Variants in CTNNA2 observed in about 807,000 individuals in gnomAD.
The protein encoded by CTNNA2 is catenin alpha 2.
A neutral mutation model predicts 101.0 loss-of-function variants in CTNNA2; 42 were observed. The ratio of observed to expected loss-of-function variants is 0.42; its 90% CI spans 0.32 to 0.54. CTNNA2 has a LOEUF of 0.54. Ranked by LOEUF, CTNNA2 falls within the 20% of genes least tolerant of loss-of-function variation. CTNNA2 has a pLI of 0.14. For synonymous variants in CTNNA2, 450 were observed against 456.4 expected, an observed-to-expected ratio of 0.99 and a Z score of 0.18; for missense variants, 871 against 1,223.1, an observed-to-expected ratio of 0.71 and a Z score of 4.29.
At chr2:80,283,208 A>G (rs1322938979) in intron 7 of CTNNA2, among the ~76,000 whole-genome samples, 2 of 152,144 alleles carry the variant, frequency 1.3e-5, no homozygotes, top group Non-Finnish European at 2.9e-5. Context: ...AAAAGACATT[A>G]TCAACCAATG....
At chr2:80,445,758 T>C (rs181137717) in intron 9 of CTNNA2, among the ~76,000 whole-genome samples, 1 of 152,340 alleles carries the variant, frequency 6.6e-6, no homozygotes, top group African/African-American at 2.4e-5. Context: ...TGACCTTACA[T>C]GCATAGTAGA....
chr2:79,417,664 G>C (rs1331275337), intron 4 of CTNNA2, among the ~76,000 whole-genome samples: 1 of 152,106 alleles, frequency 6.6e-6, no homozygotes, highest in Non-Finnish European at 1.5e-5. Flanking sequence ...AGCCCATCCA[G>C]ATAGGCCTCT....
intron 7 of CTNNA2, among the ~76,000 whole-genome samples, chr2:79,939,017 G>T (rs1371627007): frequency 1.3e-5 from 2 of 152,088 alleles, no homozygotes; most frequent in East Asian, 1.9e-4. Flanking sequence ...GTGTGCACTG[G>T]GTTCCAACAT....
chr2:80,071,786 G>A (rs894129743), intron 7 of CTNNA2, among the ~76,000 whole-genome samples: 1 of 152,168 alleles, frequency 6.6e-6, no homozygotes, highest in African/African-American at 2.4e-5. Context: ...AGGGGTTGGA[G>A]AATGGTTGTT....
intron 9 of CTNNA2, among the ~76,000 whole-genome samples, chr2:80,471,371 G>T (rs1685291052): frequency 6.6e-6 from 1 of 152,180 alleles, no homozygotes; most frequent in Non-Finnish European, 1.5e-5. Context: ...GTGAAGAAAA[G>T]CTGTACTCAT....
In CTNNA2 at chr2:80,174,075, A is replaced by T. The variant is rs144752988; in HGVS notation, c.1057-219136A>T. ...GAGGTAATAGATTGATGAGTGGCAC[A>T]TGCACTGTGCCAATATAAAGTCGTT... is the stretch of plus-strand genomic sequence containing the variant. On this transcript the variant is annotated intron_variant, in intron 7 of 18. Transcript: ENST00000402739. Among the ~76,000 whole-genome samples, 315 of 152,290 alleles carry T rather than the reference A, an allele frequency of 2.1e-3. 4 individuals are homozygous for T. Among genetic ancestry groups the T allele is most frequent in the Middle Eastern group, 0.014 (4 of 294 alleles).
intron 2 of CTNNA2, among the ~76,000 whole-genome samples, chr2:79,268,314 C>T (rs1009922306): frequency 3.9e-5 from 6 of 152,050 alleles, no homozygotes; most frequent in Admixed American, 3.3e-4. Context: ...GGCTAAGAGG[C>T]CTCGGTGTTC....
chr2:80,449,688 T>C (rs886646612), intron 9 of CTNNA2, among the ~76,000 whole-genome samples: 13 of 152,122 alleles, frequency 8.5e-5, no homozygotes, highest in Non-Finnish European at 1.9e-4. Flanking sequence ...CAGTGATCAA[T>C]AAGGATGTGA....
intron 7 of CTNNA2, among the ~76,000 whole-genome samples, chr2:80,360,414 G>GT (rs1318129631): frequency 6.6e-6 from 1 of 151,962 alleles, no homozygotes; most frequent in Admixed American, 6.6e-5. Flanking sequence ...GTACTTAAGG[G>GT]TTTTTTACAC....
chr2:80,343,424 A>C (rs541392617), intron 7 of CTNNA2, among the ~76,000 whole-genome samples: 19 of 148,696 alleles, frequency 1.3e-4, no homozygotes, highest in South Asian at 6.4e-4. Flanking sequence ...AAAAAAAAAA[A>C]CACATAAAAA....
chr2:79,456,681 A>AT (rs1450027833), intron 4 of CTNNA2, among the ~76,000 whole-genome samples: 10 of 152,160 alleles, frequency 6.6e-5, no homozygotes, highest in Admixed American at 1.3e-4. Context: ...TTTAGAAAAG[A>AT]TTTTTTTCCT....
chr2:79,465,954 A>T (rs1670929841), intron 4 of CTNNA2, among the ~76,000 whole-genome samples: 1 of 152,180 alleles, frequency 6.6e-6, no homozygotes, highest in South Asian at 2.1e-4. Flanking sequence ...AGCTCCCAGC[A>T]TGAGTGACGT....
chr2:80,380,197 C>T lies in CTNNA2; in HGVS notation c.1057-13014C>T, dbSNP rs188009083. Among the ~76,000 whole-genome samples, 182 of 151,330 alleles carry T rather than the reference C, an allele frequency of 1.2e-3. 6 individuals are homozygous for T. The East Asian group carries it at 0.033, about 28-fold the overall frequency. On this transcript the variant is annotated intron_variant, in intron 7 of 18. Coordinates refer to ENST00000402739, the MANE Select transcript of CTNNA2 (RefSeq NM_001282597.3). ...GATTACAGGTGCCTGCCACCATGCC[C>T]GGCTAATTTTTTGTATTTTTGGTAG...
At chr2:80,156,381 G>T (rs1703998755) in intron 7 of CTNNA2, among the ~76,000 whole-genome samples, 1 of 152,178 alleles carries the variant, frequency 6.6e-6, no homozygotes, top group Non-Finnish European at 1.5e-5. Flanking sequence ...TACTTTGCAA[G>T]TAGCTCTCTT....
chr2:79,552,104 C>G (rs1026311266), intron 1 of CTNNA2, among the ~76,000 whole-genome samples: 22 of 152,152 alleles, frequency 1.4e-4, no homozygotes, highest in African/African-American at 5.3e-4. Flanking sequence ...CAAGGCAAAT[C>G]CCTTCTGCCT....
Position 80,126,590 on chromosome 2 carries a change from CCCTCCCTCCCT to C in CTNNA2, c.1056+216796_1056+216806del, listed in dbSNP as rs1470833802. Among the ~76,000 whole-genome samples the C allele has an allele frequency of 2.0e-4, 4 of 20,044 alleles. No homozygotes were observed. The East Asian group carries it at 6.0e-3, about 30-fold the overall frequency. The allele number at this position is 20,044 out of a possible 152,430, so 13.1% of individuals were successfully genotyped here. On this transcript the variant is annotated intron_variant, in intron 7 of 18. Transcript: ENST00000402739. Reference sequence around the variant, plus strand: ...ATTCTGCTTTGCCCTTTCTTTCCCTCCCTCCCTCCCTCCCTCCCTCCCTCCCTCCCTCCCTC... The same window carrying C: ...ATTCTGCTTTGCCCTTTCTTTCCCTCCCCTCCCTCCCTCCCTCCCTCCCTC...
At position 80,508,838 on chromosome 2, in the gene CTNNA2, C is replaced by T. The variant is rs187704828; in HGVS notation, c.1291-36144C>T. ...CTATTTCTGGCAGGTGTGCATCTGA[C>T]ATGGTCTCCCCTCGACTTTGCAGGC... On this transcript the variant is annotated intron_variant, in intron 9 of 18. Transcript: ENST00000402739. Among the ~76,000 whole-genome samples the T allele has an allele frequency of 2.0e-5, 3 of 152,316 alleles. No individual in the cohort carries two copies. In the East Asian group the frequency reaches 5.8e-4, roughly 29 times the overall value.
chr2:79,524,029 T>G (rs1472676907), intron 1 of CTNNA2, among the ~76,000 whole-genome samples: 1 of 152,128 alleles, frequency 6.6e-6, no homozygotes, highest in Non-Finnish European at 1.5e-5. Flanking sequence ...CTATTATGAT[T>G]TCTAGTAGGT....
At chr2:79,323,118 T>C (rs1403715989) in intron 3 of CTNNA2, among the ~76,000 whole-genome samples, 1 of 152,166 alleles carries the variant, frequency 6.6e-6, no homozygotes, top group African/African-American at 2.4e-5. Flanking sequence ...ATGTTTAGGC[T>C]CTTCCATGTT....
Sources: gnomAD v4.1 joint callset for allele counts (sites outside exome capture counted in the v4.1 genomes callset) on GRCh38, gnomAD v4.1.1 for gene constraint, MANE v1.5 for transcripts, NCBI Gene and HGNC (gene_info 2026-07-23, HGNC 2026-07-21) for gene names.